Variants in SNW1 observed in about 807,000 individuals in gnomAD.
SNW1 encodes SNW domain-containing protein 1.
Under a neutral mutation model 75.6 loss-of-function variants are expected in SNW1, and 9 were observed. The observed-to-expected ratio is 0.12, with a 90% CI of 0.07 to 0.21. The LOEUF (loss-of-function observed/expected upper bound fraction) is 0.21. SNW1 is among the 10% of genes least tolerant of loss of function. The pLI, the probability that SNW1 is intolerant of heterozygous loss-of-function variation, is 1.00. For missense variants in SNW1, 409 were observed against 670.9 expected (o/e 0.61, Z 4.31); for synonymous variants, 200 against 219.1 (o/e 0.91, Z 0.77).
At chr14:77,723,383 T>C in intron 10 of SNW1, 106 bp from the exon 11 acceptor site, 1 of 813,518 alleles carries the variant, frequency 1.2e-6, no homozygotes, top group Non-Finnish European at 2.1e-6. Context: ...AGCATCTCAC[T>C]CTGTCACCCA....
intron 11 of SNW1, chr14:77,721,034 G>A (rs1159079163): frequency 2.2e-5 from 12 of 538,610 alleles, no homozygotes; most frequent in South Asian, 4.4e-5. Flanking sequence ...CAATTAGGAC[G>A]TCCTGTTAGC....
At chr14:77,754,742 G>A (rs1011373828) in intron 2 of SNW1, among the ~76,000 whole-genome samples, 1 of 152,122 alleles carries the variant, frequency 6.6e-6, no homozygotes, top group African/African-American at 2.4e-5. Flanking sequence ...TATAGGAATA[G>A]ACAAATGGTA....
intron 10 of SNW1, 113 bp from the exon 11 acceptor site, chr14:77,723,390 C>T (rs2080559494): frequency 3.9e-6 from 3 of 773,424 alleles, no homozygotes; most frequent in Non-Finnish European, 6.6e-6. Context: ...CACTCTGTCA[C>T]CCAGGCTGGA....
chr14:77,757,921 T>TCTAC (rs1273561018), intron 1 of SNW1, among the ~76,000 whole-genome samples: 1 of 40,220 alleles, frequency 2.5e-5, no homozygotes, highest in African/African-American at 1.0e-4. Context: ...AATCTAATCA[T>TCTAC]CTATCTATCT....
At chr14:77,729,400 C>T (rs1180239038) in intron 10 of SNW1, among the ~76,000 whole-genome samples, 1 of 152,180 alleles carries the variant, frequency 6.6e-6, no homozygotes, top group Admixed American at 6.6e-5. Flanking sequence ...TACCAAAATA[C>T]ATCCAATATG....
At chr14:77,757,679 TTC>T (rs1315727336) in intron 1 of SNW1, among the ~76,000 whole-genome samples, 1 of 152,180 alleles carries the variant, frequency 6.6e-6, no homozygotes, top group African/African-American at 2.4e-5. Flanking sequence ...CATTTAACTA[TTC>T]TGTTTTCATG....
intron 9 of SNW1, among the ~76,000 whole-genome samples, chr14:77,731,815 T>G (rs543410410): frequency 6.6e-6 from 1 of 152,326 alleles, no homozygotes; most frequent in Non-Finnish European, 1.5e-5. Context: ...CTTGGCTCAC[T>G]GCAACCTCCA....
chr14:77,752,355 A>G (rs1289907981), intron 2 of SNW1, among the ~76,000 whole-genome samples: 1 of 152,224 alleles, frequency 6.6e-6, no homozygotes, highest in Non-Finnish European at 1.5e-5. Flanking sequence ...AGAACAAGCT[A>G]AATAAAGTTT....
intron 1 of SNW1, among the ~76,000 whole-genome samples, chr14:77,758,854 A>G (rs1471442700): frequency 6.6e-6 from 1 of 152,130 alleles, no homozygotes; most frequent in Non-Finnish European, 1.5e-5. Flanking sequence ...AACTGTGTCT[A>G]CTGGACACCA....
At position 77,735,957 on chromosome 14, in the gene SNW1, T is replaced by C. The variant is rs372914453; in HGVS notation, c.688A>G (p.Met230Val). The C allele has an allele frequency of 1.9e-6, 3 of 1,613,954 alleles. No homozygotes were observed. The highest frequency in any genetic ancestry group is 1.7e-6 in the Non-Finnish European group (2 of 1,179,872). ...AATACCTTTCGGCTAGGAGAATGCA[T>C]GACAGGCGCAGGAGGAGAAGGTGGT... is the stretch of plus-strand genomic sequence containing the variant. ...RGPPSPPAPVMHSPSRKMTVK... is the reference protein window; with the variant it reads ...RGPPSPPAPVVHSPSRKMTVK... Residue 230 changes from methionine to valine, a missense_variant, in exon 7 of 14, where the codon ATG (methionine) becomes GTG (valine). Physicochemically the swap from Met to Val is conservative, Grantham distance 21. Around this residue, in one of 9 missense-constraint regions of SNW1, gnomAD observed 70 missense variants for 136.7 expected, o/e 0.51. Coordinates refer to ENST00000261531, the MANE Select transcript of SNW1 (RefSeq NM_012245.3).
chr14:77,745,979 G>A (rs1348693417), intron 3 of SNW1, among the ~76,000 whole-genome samples: 1 of 152,178 alleles, frequency 6.6e-6, no homozygotes, highest in African/African-American at 2.4e-5. Flanking sequence ...AGTCGTTATT[G>A]TGCCACTGCA....
At chr14:77,720,904 A>G in intron 11 of SNW1, 76 bp from the exon 12 acceptor site, 2 of 876,082 alleles carry the variant, frequency 2.3e-6, no homozygotes, top group South Asian at 2.9e-5. Flanking sequence ...AATACAACCA[A>G]TCTCAGAAAC....
chr14:77,746,857 T>C (rs559388166), intron 3 of SNW1, among the ~76,000 whole-genome samples: 3 of 152,202 alleles, frequency 2.0e-5, no homozygotes, highest in Admixed American at 2.0e-4. Flanking sequence ...TATACATAAA[T>C]ATCTAAATCC....
intron 5 of SNW1, among the ~76,000 whole-genome samples, chr14:77,737,528 G>A (rs1018879246): frequency 6.6e-6 from 1 of 152,050 alleles, no homozygotes; most frequent in Non-Finnish European, 1.5e-5. Context: ...CTCAATATCT[G>A]TATGTGATTC....
intron 3 of SNW1, among the ~76,000 whole-genome samples, chr14:77,743,071 C>A (rs1289663925): frequency 1.3e-5 from 2 of 151,502 alleles, no homozygotes; most frequent in African/African-American, 4.8e-5. Flanking sequence ...ACCAAAAATA[C>A]AAAATTAGTC....
intron 12 of SNW1, among the ~76,000 whole-genome samples, chr14:77,720,336 T>C (rs2080529376): frequency 6.6e-6 from 1 of 152,182 alleles, no homozygotes; most frequent in Admixed American, 6.5e-5. Context: ...GGTTTCACCA[T>C]GTTGGCCAGG....
chr14:77,719,909 A>G (rs1320869031), intron 12 of SNW1, among the ~76,000 whole-genome samples: 2 of 152,236 alleles, frequency 1.3e-5, no homozygotes, highest in East Asian at 3.8e-4. Context: ...TCTACTTTCC[A>G]GTAGAACTTA....
chr14:77,724,863 A>G (rs752534561), intron 10 of SNW1, among the ~76,000 whole-genome samples: 1 of 152,208 alleles, frequency 6.6e-6, no homozygotes, highest in Non-Finnish European at 1.5e-5. Flanking sequence ...TTGGATATAT[A>G]CCCAGCAGTG....
chr14:77,729,413 A>C (rs1205837840), intron 10 of SNW1, among the ~76,000 whole-genome samples: 1 of 152,184 alleles, frequency 6.6e-6, no homozygotes, highest in Non-Finnish European at 1.5e-5. Context: ...CCAATATGGG[A>C]CCATGTTTTT....
Sources: allele counts gnomAD v4.1 joint callset (sites outside exome capture counted in the v4.1 genomes callset), GRCh38; gene constraint gnomAD v4.1.1; regional missense constraint gnomAD v4.1.1; transcripts MANE v1.5; gene names NCBI Gene and HGNC (gene_info 2026-07-23, HGNC 2026-07-21).